Variants in PCDHA1 observed in about 807,000 individuals in gnomAD.
PCDHA1 encodes protocadherin alpha-1.
A neutral mutation model predicts 61.3 loss-of-function variants in PCDHA1; 42 were observed. That is an observed-to-expected ratio of 0.69 (90% CI 0.54 to 0.89). The LOEUF (loss-of-function observed/expected upper bound fraction) is 0.89. PCDHA1 is among the 40% of genes least tolerant of loss of function. PCDHA1 has a pLI of 0.00. For synonymous variants in PCDHA1, 610 were observed against 553.8 expected, an observed-to-expected ratio of 1.10 and a Z score of -1.43; for missense variants, 1,256 against 1,235.3, an observed-to-expected ratio of 1.02 and a Z score of -0.25.
chr5:140,870,409 G>T, intron 1 of PCDHA1: 1 of 1,614,226 alleles, frequency 6.2e-7, no homozygotes, highest in South Asian at 1.1e-5. Context: ...TTCTCTGTGG[G>T]CCACGGCCAG....
At chr5:140,842,923 G>C in intron 1 of PCDHA1, 1 of 1,594,642 alleles carries the variant, frequency 6.3e-7, no homozygotes, top group Non-Finnish European at 8.6e-7. Context: ...TGCAGTTCCA[G>C]GTGAGCGCGC....
intron 1 of PCDHA1, chr5:140,875,303 C>T (rs2055408923): frequency 2.1e-6 from 3 of 1,414,848 alleles, no homozygotes; most frequent in Admixed American, 2.9e-5. Context: ...TTTTTCTCCG[C>T]ACCCACATTC....
chr5:140,862,550 G>A, intron 1 of PCDHA1: 2 of 458,460 alleles, frequency 4.4e-6, no homozygotes, highest in Admixed American at 2.4e-5. Flanking sequence ...GGAAGTGGCC[G>A]AACAGTGAAC....
At position 140,846,759 on chromosome 5, in the gene PCDHA1, C is replaced by T. The variant is rs1032895477; in HGVS notation, c.2394+58075C>T. Among the ~76,000 whole-genome samples the T allele has an allele frequency of 1.0e-4, 15 of 149,272 alleles. 2 individuals carry two copies. Among genetic ancestry groups the T allele is most frequent in the Admixed American group, 2.0e-4 (3 of 14,888 alleles). On this transcript the variant is annotated intron_variant, in intron 1 of 3. Transcript: ENST00000504120. Reference sequence around the variant, plus strand: ...TAGGACCCTTACAGATCTCTAACAGCATATCATCATGTCAGGAATTATTAC... The same window carrying T: ...TAGGACCCTTACAGATCTCTAACAGTATATCATCATGTCAGGAATTATTAC...
intron 1 of PCDHA1, among the ~76,000 whole-genome samples, chr5:140,948,960 G>A (rs900113633): frequency 5.9e-5 from 9 of 151,550 alleles, no homozygotes; most frequent in Non-Finnish European, 1.2e-4. Context: ...TTAAAGCCAC[G>A]AATTTATTAG....
intron 1 of PCDHA1, chr5:140,877,662 C>T: frequency 6.2e-7 from 1 of 1,613,558 alleles, no homozygotes; most frequent in Non-Finnish European, 8.5e-7. Context: ...CCACCGTGAG[C>T]CGGTGCGCGC....
chr5:140,787,665 G>T lies in PCDHA1; in HGVS notation c.1375G>T (p.Glu459Ter), dbSNP rs782726332. The T allele has an allele frequency of 1.2e-6, 2 of 1,613,918 alleles. No individual in the cohort carries two copies. The highest frequency in any genetic ancestry group is 2.2e-5 in the South Asian group (2 of 91,072). Reference protein sequence around the residue: ...NDNAPAFAQPEYTVFVKENNP... With the variant: ...NDNAPAFAQP The stretch of plus-strand genomic sequence containing the variant: ...CAACGCGCCTGCGTTCGCGCAGCCC[G>T]AGTACACAGTATTCGTGAAGGAGAA... The change falls in exon 1 of 4, where the codon GAG (glutamate) becomes TAG (stop). Residue 459 changes from glutamate to a stop codon, truncating the protein, a stop_gained. Coordinates refer to ENST00000504120, the MANE Select transcript of PCDHA1 (RefSeq NM_018900.4). LOFTEE classifies it high-confidence loss of function.
At chr5:140,966,463 TC>T in intron 1 of PCDHA1, 1 of 429,360 alleles carries the variant, frequency 2.3e-6, no homozygotes, top group Non-Finnish European at 4.0e-6. Flanking sequence ...CCCTCTGTCT[TC>T]CCTTCTGTTT....
intron 1 of PCDHA1, chr5:140,876,833 C>T: frequency 3.1e-6 from 5 of 1,614,176 alleles, no homozygotes; most frequent in Non-Finnish European, 4.2e-6. Context: ...AATGCGCCTG[C>T]GTTCGCGCAG....
intron 1 of PCDHA1, among the ~76,000 whole-genome samples, chr5:140,888,383 C>T (rs1279773489): frequency 3.9e-5 from 6 of 152,170 alleles, no homozygotes; most frequent in African/African-American, 1.4e-4. Flanking sequence ...CTCTGAGATG[C>T]TGCTAAACAC....
chr5:140,928,036 G>T, intron 1 of PCDHA1: 1 of 1,614,158 alleles, frequency 6.2e-7, no homozygotes, highest in Non-Finnish European at 8.5e-7. Context: ...CATGTCTAGT[G>T]CAGGCCCTTT....
chr5:140,884,682 A>C, intron 1 of PCDHA1: 5 of 1,546,956 alleles, frequency 3.2e-6, no homozygotes, highest in Non-Finnish European at 4.4e-6. Flanking sequence ...TATTTTAAAA[A>C]ATTGTCTTAG....
Position 141,010,240 on chromosome 5 carries a change from G to A in PCDHA1, c.*303G>A. The A allele has an allele frequency of 6.4e-7, 1 of 1,551,928 alleles. No homozygotes were observed. The highest frequency in any genetic ancestry group is 8.7e-7 in the Non-Finnish European group (1 of 1,147,042). ...GGCTTCCCAGCCCCGCCAGTGAGAGGTTGGACTCTCTGCCCTGTGCTCCGG... is the reference window on the plus strand; with the variant it reads ...GGCTTCCCAGCCCCGCCAGTGAGAGATTGGACTCTCTGCCCTGTGCTCCGG... On this transcript the variant is annotated 3_prime_UTR_variant, in exon 4 of 4. Coordinates refer to ENST00000504120, the MANE Select transcript of PCDHA1 (RefSeq NM_018900.4).
chr5:140,877,018 A>G, intron 1 of PCDHA1: 1 of 1,612,420 alleles, frequency 6.2e-7, no homozygotes, highest in Non-Finnish European at 8.5e-7. Flanking sequence ...GGAGAGCGGC[A>G]AGGTGTACGC....
intron 3 of PCDHA1, among the ~76,000 whole-genome samples, chr5:141,008,000 TA>T (rs2098355741): frequency 6.6e-6 from 1 of 152,264 alleles, no homozygotes; most frequent in Non-Finnish European, 1.5e-5. Context: ...TACATGTTAA[TA>T]AACTTCTGTT....
intron 1 of PCDHA1, chr5:140,797,133 C>T: frequency 6.2e-7 from 1 of 1,613,992 alleles, no homozygotes; most frequent in Non-Finnish European, 8.5e-7. Context: ...CGCTGCGGTG[C>T]TCGGTGCCAC....
intron 3 of PCDHA1, among the ~76,000 whole-genome samples, chr5:141,006,067 A>T (rs1202024176): frequency 3.3e-5 from 5 of 151,950 alleles, no homozygotes; most frequent in African/African-American, 1.2e-4. Context: ...AGAAATAAAA[A>T]TCAGATTATT....
intron 1 of PCDHA1, chr5:140,829,818 C>T: frequency 1.2e-6 from 2 of 1,613,864 alleles, no homozygotes; most frequent in Non-Finnish European, 1.7e-6. Flanking sequence ...ACTGGTGGTG[C>T]AGTGAGCGAG....
At chr5:140,898,466 T>C (rs1331469917) in intron 1 of PCDHA1, among the ~76,000 whole-genome samples, 1 of 152,202 alleles carries the variant, frequency 6.6e-6, no homozygotes, top group Admixed American at 6.5e-5. Context: ...CCATTGCTTG[T>C]TTTTCTCAGG....
Sources: gnomAD v4.1 joint callset for allele counts (sites outside exome capture counted in the v4.1 genomes callset) on GRCh38, gnomAD v4.1.1 for gene constraint, MANE v1.5 for transcripts, NCBI Gene and HGNC (gene_info 2026-07-23, HGNC 2026-07-21) for gene names.